RAE1: variants seen among roughly 807,000 people sequenced by gnomAD.
RAE1 encodes mRNA export factor RAE1.
Under a neutral mutation model 52.7 loss-of-function variants are expected in RAE1, and 13 were observed. That is an observed-to-expected ratio of 0.25 (90% confidence interval 0.16 to 0.39). The LOEUF (loss-of-function observed/expected upper bound fraction) is 0.39. Ranked by LOEUF, RAE1 falls within the 10% of genes least tolerant of loss-of-function variation. The pLI is 1.00. For synonymous variants in RAE1, 164 were observed against 153.1 expected, an observed-to-expected ratio of 1.07 and a Z score of -0.52; for missense variants, 262 against 459.8, an observed-to-expected ratio of 0.57 and a Z score of 3.93.
chr20:57,370,003 T>TA (rs1350051014), intron 8 of RAE1, among the ~76,000 whole-genome samples: 1 of 152,142 alleles, frequency 6.6e-6, no homozygotes, highest in Admixed American at 6.5e-5. Flanking sequence ...CTCTTTCCCA[T>TA]ACACCCGTCT....
intron 4 of RAE1, among the ~76,000 whole-genome samples, chr20:57,364,194 A>G (rs16980940): frequency 0.04 from 6,082 of 152,370 alleles, 181 homozygotes; most frequent in African/African-American, 0.089. Flanking sequence ...CAAACTCTGC[A>G]GTTGAAGCAG....
intron 1 of RAE1, among the ~76,000 whole-genome samples, chr20:57,353,055 C>G (rs569677711): frequency 6.6e-6 from 1 of 152,220 alleles, no homozygotes; most frequent in Non-Finnish European, 1.5e-5. Flanking sequence ...GCAGTTTCTC[C>G]GTTCTGTGTT....
In RAE1 at chr20:57,354,131, A is replaced by G; in HGVS notation, c.90+3A>G. On this transcript the variant is annotated splice_donor_region_variant and intron_variant, in intron 2 of 11. Transcript: ENST00000395841. Reference sequence around the variant, plus strand: ...CAGACAATCACAATCCCATGAAGGTACCACGAAAAGCTTCCTGGGGCTTGT... The same window carrying G: ...CAGACAATCACAATCCCATGAAGGTGCCACGAAAAGCTTCCTGGGGCTTGT... 1 of 1,612,712 alleles carries G rather than the reference A, an allele frequency of 6.2e-7. No homozygotes were observed.
intron 8 of RAE1, among the ~76,000 whole-genome samples, chr20:57,369,577 A>G (rs1025009196): frequency 6.6e-6 from 1 of 152,220 alleles, no homozygotes; most frequent in Non-Finnish European, 1.5e-5. Flanking sequence ...AGAGAAGTCT[A>G]TTTTGGGGCA....
intron 5 of RAE1, 122 bp downstream of exon 5, chr20:57,365,564 A>G (rs2066943604): frequency 1.3e-5 from 8 of 639,342 alleles, no homozygotes; most frequent in Non-Finnish European, 2.0e-5. Flanking sequence ...TGTCAAATCA[A>G]TTAGACAATA....
intron 2 of RAE1, among the ~76,000 whole-genome samples, chr20:57,354,342 G>A (rs2066753948): frequency 6.6e-6 from 1 of 152,204 alleles, no homozygotes; most frequent in African/African-American, 2.4e-5. Flanking sequence ...AATCACCCAA[G>A]GTGCAGATTC....
At chr20:57,375,432 G>A (rs962734633) in intron 11 of RAE1, among the ~76,000 whole-genome samples, 10 of 152,052 alleles carry the variant, frequency 6.6e-5, no homozygotes, top group African/African-American at 1.4e-4. Flanking sequence ...CCTGGCTTCC[G>A]ATGGGGAGGT....
intron 4 of RAE1, among the ~76,000 whole-genome samples, chr20:57,363,744 A>G (rs1167617748): frequency 6.6e-6 from 1 of 152,258 alleles, no homozygotes; most frequent in South Asian, 2.1e-4. Context: ...TTATTAATTC[A>G]GCAAATAATT....
chr20:57,354,962 C>T (rs931720327), intron 3 of RAE1, 146 bp downstream of exon 3: 12 of 542,096 alleles, frequency 2.2e-5, no homozygotes, highest in Admixed American at 4.1e-5. Context: ...GGTGTGAACC[C>T]TTCTGAATGG....
Position 57,365,337 on chromosome 20 carries a change from T to G in RAE1, c.289-19T>G, listed in dbSNP as rs2066939857. On this transcript the variant is annotated intron_variant, in intron 4 of 11. Transcript: ENST00000395841. ...TTTAATTTTTCTTAAAATGCAAAATTTTCTCCATTTTATTTTAGGATGGGA... is the reference window on the plus strand; with the variant it reads ...TTTAATTTTTCTTAAAATGCAAAATGTTCTCCATTTTATTTTAGGATGGGA... The G allele has an allele frequency of 6.3e-7, 1 of 1,574,810 alleles. No individual in the cohort carries two copies. The highest frequency in any genetic ancestry group is 8.7e-7 in the Non-Finnish European group (1 of 1,150,050).
chr20:57,371,858 A>G (rs1010966393), intron 8 of RAE1: 3 of 152,260 alleles, frequency 2.0e-5, no homozygotes, highest in Non-Finnish European at 2.9e-5. Context: ...AAAGAAGGAA[A>G]TCCTGCCATT....
chr20:57,377,976 G>T, intron 11 of RAE1, 37 bp from the exon 12 acceptor site: 2 of 1,484,502 alleles, frequency 1.3e-6, no homozygotes, highest in South Asian at 2.4e-5. Context: ...ACTTTCTTTT[G>T]AATAATAAGA....
intron 4 of RAE1, chr20:57,357,466 G>C (rs1280089156): frequency 1.3e-5 from 2 of 152,138 alleles, no homozygotes; most frequent in African/African-American, 4.8e-5. Context: ...GACAAGCATT[G>C]AGATATAGCA....
At chr20:57,356,386 T>C (rs2066787034) in intron 3 of RAE1, 60 bp from the exon 4 acceptor site, 4 of 1,392,368 alleles carry the variant, frequency 2.9e-6, no homozygotes. Flanking sequence ...TTTTTAGGTG[T>C]TAAATGCAAG....
chr20:57,356,427 A>G lies in RAE1; in HGVS notation c.196-19A>G. 1 of 1,597,540 alleles carries G rather than the reference A, an allele frequency of 6.3e-7. No homozygotes were observed. Among genetic ancestry groups the G allele is most frequent in the Non-Finnish European group, 8.6e-7 (1 of 1,167,880 alleles). ...CATCGTAATTGCTTTGTTTGCATTG[A>G]ATTTTTTTGTTACTACAGGTTCGCT... On this transcript the variant is annotated intron_variant, in intron 3 of 11. Coordinates refer to ENST00000395841, the MANE Select transcript of RAE1 (RefSeq NM_003610.4).
chr20:57,354,186 C>T (rs2146126075), intron 2 of RAE1, 58 bp downstream of exon 2: 1 of 1,473,962 alleles, frequency 6.8e-7, no homozygotes, highest in Non-Finnish European at 9.4e-7. Context: ...TTTCTCCCAT[C>T]AAGGACAGAA....
Position 57,378,309 on chromosome 20 carries a change from G to C in RAE1, c.*210G>C. On this transcript the variant is annotated 3_prime_UTR_variant, in exon 12 of 12. Coordinates refer to ENST00000395841, the MANE Select transcript of RAE1 (RefSeq NM_003610.4). ...CCACTGCCTGTTGCAGAGTTTTTCTGTAACTAAGGGGGTTGAGGTTATTGT... is the reference window on the plus strand; with the variant it reads ...CCACTGCCTGTTGCAGAGTTTTTCTCTAACTAAGGGGGTTGAGGTTATTGT... 1.9e-6 allele frequency: 1 copy of C among 523,024 alleles called. No individual in the cohort carries two copies. The highest frequency in any genetic ancestry group is 3.4e-6 in the Non-Finnish European group (1 of 291,960). The allele number at this position is 523,024 out of a possible 1,614,324, so 32.4% of individuals were successfully genotyped here.
chr20:57,358,199 G>A (rs1000820725), intron 4 of RAE1: 1 of 152,140 alleles, frequency 6.6e-6, no homozygotes, highest in Non-Finnish European at 1.5e-5. Context: ...AGGGTTCTTT[G>A]GTGAAAAGTT....
Position 57,374,687 on chromosome 20 carries a change from A to G in RAE1, c.906A>G (p.Lys302=). 6.2e-7 allele frequency: 1 copy of G among 1,614,202 alleles called. No homozygotes were observed. The highest frequency in any genetic ancestry group is 8.5e-7 in the Non-Finnish European group (1 of 1,180,028). ...GSDGRFSFWD[K]DARTKLKTSE... is the part of the protein sequence containing the mutation. ...ATGGTAGATTCAGCTTCTGGGACAA[A>G]GATGCCAGAACAAAACTAAAAACTT... Residue 302 remains lysine, a synonymous_variant, in exon 11 of 12, where the codon AAA becomes AAG. Transcript: ENST00000395841.
Sources: allele counts gnomAD v4.1 joint callset (sites outside exome capture counted in the v4.1 genomes callset), GRCh38; gene constraint gnomAD v4.1.1; transcripts MANE v1.5; gene names NCBI Gene and HGNC (gene_info 2026-07-23, HGNC 2026-07-21).